The following BOD1 variants were observed in gnomAD, a reference collection of about 807,000 sequenced individuals.
The protein encoded by BOD1 is biorientation of chromosomes in cell division protein 1.
BOD1 carries 11 observed loss-of-function variants against 15.7 expected under a neutral mutation model. The ratio of observed to expected loss-of-function variants is 0.70; its 90% CI spans 0.44 to 1.16. The LOEUF (loss-of-function observed/expected upper bound fraction) is 1.16, where lower values mean the gene tolerates loss of function less well. BOD1 is among the 50% of genes most tolerant of loss of function. The probability of loss-of-function intolerance (pLI) is 0.00; values close to 1 mark genes in which losing one functional copy is unlikely to be tolerated. For missense variants in BOD1, 182 were observed against 244.5 expected, an observed-to-expected ratio of 0.74 and a Z score of 1.70; for synonymous variants, 105 against 103.5, an observed-to-expected ratio of 1.01 and a Z score of -0.09.
Position 173,608,160 on chromosome 5 carries a change from A to G in BOD1, c.*134T>C, listed in dbSNP as rs1755252059. 3 of 1,098,838 alleles carry G rather than the reference A, an allele frequency of 2.7e-6. No individual in the cohort carries two copies. Among genetic ancestry groups the G allele is most frequent in the African/African-American group, 3.0e-5 (2 of 67,154 alleles). The allele number at this position is 1,098,838 out of a possible 1,614,324, so 68.1% of individuals were successfully genotyped here. ...AACTTGCTCCCCTTTCAATCTGGTCACTGCCCATGGTCAAGGTTGAAATCT... is the reference window on the plus strand; with the variant it reads ...AACTTGCTCCCCTTTCAATCTGGTCGCTGCCCATGGTCAAGGTTGAAATCT... On this transcript the variant is annotated 3_prime_UTR_variant, in exon 4 of 4. Transcript: ENST00000311086.
Position 173,613,103 on chromosome 5 carries a change from T to C in BOD1, c.362+28A>G, listed in dbSNP as rs757627810. 7.4e-6 allele frequency: 11 copies of C among 1,487,230 alleles called. No homozygotes were observed. The African/African-American group carries it at 1.8e-4, about 24-fold the overall frequency. 92.1% of individuals were successfully genotyped at this position (1,487,230 alleles called of 1,614,324 possible). On this transcript the variant is annotated intron_variant, in intron 2 of 3. Transcript: ENST00000311086. ...CATCACACTTGTGATGACTGCCTTTTCAAAAGCTTTAAATTCTGCTTACTT... is the reference window on the plus strand; with the variant it reads ...CATCACACTTGTGATGACTGCCTTTCCAAAAGCTTTAAATTCTGCTTACTT...
At chr5:173,608,610 C>T (rs979483149) in intron 3 of BOD1, among the ~76,000 whole-genome samples, 3 of 152,204 alleles carry the variant, frequency 2.0e-5, no homozygotes, top group Admixed American at 6.5e-5. Context: ...TCACCAACAA[C>T]GGCGAAAAGT....
In BOD1 at chr5:173,609,324, G is replaced by T. The variant is rs547693015; in HGVS notation, c.473C>A (p.Ala158Glu). The change falls in exon 3 of 4, where the codon GCG (alanine) becomes GAG (glutamate). Residue 158 changes from alanine (A) to glutamate (E), a missense_variant. This residue lies in a region of BOD1 where 40 missense variants were observed against 45.3 expected (regional missense o/e 0.88). Coordinates refer to ENST00000311086, the MANE Select transcript of BOD1 (RefSeq NM_138369.3). ...TGGCACAGCTGCTTTTTTCTGGGCC[G>T]CCAGGAACTCATGAATTGCTCGTTC... ...QIERAIHEFLAAQKKAAVPAP... is the reference protein window; with the variant it reads ...QIERAIHEFLEAQKKAAVPAP... The T allele has an allele frequency of 8.7e-6, 14 of 1,614,192 alleles. No homozygotes were observed. The highest frequency in any genetic ancestry group is 3.3e-5 in the Admixed American group (2 of 60,030).
chr5:173,607,288 C>G lies in BOD1; in HGVS notation c.*1006G>C, dbSNP rs992916117. 6.6e-5 allele frequency among the ~76,000 whole-genome samples: 10 copies of G among 152,188 alleles called. No homozygotes were observed. The highest frequency in any genetic ancestry group is 1.2e-4 in the Non-Finnish European group (8 of 68,032). On this transcript the variant is annotated 3_prime_UTR_variant, in exon 4 of 4. Transcript: ENST00000311086. ...TCCCCAGGTGCTACTTCTGCACACA[C>G]AAGGATGACAAACACTGACACATAC...
At chr5:173,611,147 T>C (rs1360111474) in intron 2 of BOD1, among the ~76,000 whole-genome samples, 1 of 152,232 alleles carries the variant, frequency 6.6e-6, no homozygotes, top group Non-Finnish European at 1.5e-5. Context: ...TCCTGGAGAT[T>C]CTTAAACTTT....
At position 173,607,872 on chromosome 5, in the gene BOD1, C is replaced by A. The variant is rs999747670; in HGVS notation, c.*422G>T. The A allele has an allele frequency of 1.6e-5, 3 of 187,934 alleles. No homozygotes were observed. The highest frequency in any genetic ancestry group is 7.0e-5 in the African/African-American group (3 of 42,916). 11.6% of individuals were successfully genotyped at this position (187,934 alleles called of 1,614,324 possible). A position where few individuals can be genotyped will look rare whatever the true frequency, so the allele number is the denominator to read the frequency against. On this transcript the variant is annotated 3_prime_UTR_variant, in exon 4 of 4. Coordinates refer to ENST00000311086, the MANE Select transcript of BOD1 (RefSeq NM_138369.3). ...AATAAGCACTGTCAAAGACTACTCC[C>A]AGCTAATCTTTACTGTCATTTTTCT...
intron 2 of BOD1, among the ~76,000 whole-genome samples, chr5:173,611,290 T>C (rs1435542801): frequency 2.0e-5 from 3 of 152,266 alleles, no homozygotes; most frequent in Non-Finnish European, 4.4e-5. Flanking sequence ...CCCTCTAGGC[T>C]GTGGCACTGG....
chr5:173,616,106 C>A, intron 1 of BOD1, 94 bp downstream of exon 1: 1 of 1,475,592 alleles, frequency 6.8e-7, no homozygotes, highest in Non-Finnish European at 9.1e-7. Context: ...TCTAAGCTAT[C>A]TTTTGTTTTG....
chr5:173,609,669 A>C, intron 2 of BOD1: 1 of 469,900 alleles, frequency 2.1e-6, no homozygotes, highest in Non-Finnish European at 3.8e-6. Context: ...CAATCACCCA[A>C]CCTTGTACAA....
chr5:173,613,052 TAAAC>T lies in BOD1; in HGVS notation c.362+75_362+78del, dbSNP rs892847546. On this transcript the variant is annotated intron_variant, in intron 2 of 3. Coordinates refer to ENST00000311086, the MANE Select transcript of BOD1 (RefSeq NM_138369.3). ...GATATAAAGTCCCATCAACCTTGAC[TAAAC>T]AGAGACCTCAACCTTCTTGTGCATC... 3.2e-6 allele frequency: 5 copies of T among 1,548,014 alleles called. No individual in the cohort carries two copies. In the African/African-American group the frequency reaches 6.9e-5, roughly 21 times the overall value.
chr5:173,614,700 A>C (rs994312522), intron 1 of BOD1: 17 of 152,238 alleles, frequency 1.1e-4, no homozygotes, highest in Non-Finnish European at 1.9e-4. Flanking sequence ...GAACTAAAAC[A>C]ACCTGGAATT....
chr5:173,610,767 TA>T (rs1561724778), intron 2 of BOD1, among the ~76,000 whole-genome samples: 2 of 152,230 alleles, frequency 1.3e-5, no homozygotes, highest in Non-Finnish European at 2.9e-5. Flanking sequence ...CCAGACTTCC[TA>T]TGTTGAAATC....
chr5:173,612,226 C>T (rs1336581156), intron 2 of BOD1, among the ~76,000 whole-genome samples: 1 of 152,260 alleles, frequency 6.6e-6, no homozygotes, highest in Admixed American at 6.5e-5. Flanking sequence ...GCTGCATATT[C>T]ACAGGAAGTT....
chr5:173,613,069 C>T lies in BOD1; in HGVS notation c.362+62G>A, dbSNP rs1012990089. 1.5e-5 allele frequency: 23 copies of T among 1,525,294 alleles called. No individual in the cohort carries two copies. The Admixed American group carries it at 4.0e-4, about 27-fold the overall frequency. 94.5% of individuals were successfully genotyped at this position (1,525,294 alleles called of 1,614,324 possible). On this transcript the variant is annotated intron_variant, in intron 2 of 3. Coordinates refer to ENST00000311086, the MANE Select transcript of BOD1 (RefSeq NM_138369.3). ...ACCTTGACTAAACAGAGACCTCAAC[C>T]TTCTTGTGCATCACACTTGTGATGA...
At chr5:173,615,176 G>C (rs1404154806) in intron 1 of BOD1, among the ~76,000 whole-genome samples, 1 of 152,200 alleles carries the variant, frequency 6.6e-6, no homozygotes. Context: ...AGAAGGAACA[G>C]TGTATACCAC....
At chr5:173,613,069 C>G in intron 2 of BOD1, 62 bp downstream of exon 2, 1 of 1,525,416 alleles carries the variant, frequency 6.6e-7, no homozygotes, top group Non-Finnish European at 8.9e-7. Flanking sequence ...AGACCTCAAC[C>G]TTCTTGTGCA....
chr5:173,611,389 A>C (rs1470352823), intron 2 of BOD1, among the ~76,000 whole-genome samples: 1 of 152,244 alleles, frequency 6.6e-6, no homozygotes, highest in Non-Finnish European at 1.5e-5. Flanking sequence ...CCTGGGGGCA[A>C]GCAGAAAGTC....
At chr5:173,609,796 T>TA (rs1581241882) in intron 2 of BOD1, 1 of 201,538 alleles carries the variant, frequency 5.0e-6, no homozygotes, top group East Asian at 1.3e-4. Flanking sequence ...TCAAAGCCAG[T>TA]AAGCCCCGAA....
At chr5:173,613,291 T>TA (rs1561726107) in intron 1 of BOD1, 36 bp from the exon 2 acceptor site, 4 of 1,611,260 alleles carry the variant, frequency 2.5e-6, no homozygotes, top group Non-Finnish European at 3.4e-6. Context: ...GGTCAGAAGT[T>TA]ATATGCACCA....
Sources: gnomAD v4.1 joint callset for allele counts (sites outside exome capture counted in the v4.1 genomes callset) on GRCh38, gnomAD v4.1.1 for gene constraint, gnomAD v4.1.1 regional missense constraint, MANE v1.5 for transcripts, NCBI Gene and HGNC (gene_info 2026-07-23, HGNC 2026-07-21) for gene names.